The following PLEKHA6 variants were observed in gnomAD, a reference collection of about 807,000 sequenced individuals.
PLEKHA6 encodes pleckstrin homology domain-containing family A member 6.
PLEKHA6 carries 60 observed loss-of-function variants against 116.7 expected under a neutral mutation model. The ratio of observed to expected loss-of-function variants is 0.51; its 90% CI spans 0.42 to 0.64. The LOEUF (loss-of-function observed/expected upper bound fraction) is 0.64, where lower values mean the gene tolerates loss of function less well. Among genes scored for constraint, PLEKHA6 ranks in the 30% least tolerant of loss-of-function variants. The probability of loss-of-function intolerance (pLI) is 0.00; values close to 1 mark genes in which losing one functional copy is unlikely to be tolerated. For missense variants in PLEKHA6, 1,338 were observed against 1,422.7 expected (o/e 0.94, Z 0.96); for synonymous variants, 489 against 556.1 (o/e 0.88, Z 1.70).
At chr1:204,300,377 G>C (rs887603125) in intron 1 of PLEKHA6, among the ~76,000 whole-genome samples, 3 of 152,190 alleles carry the variant, frequency 2.0e-5, no homozygotes, top group African/African-American at 7.2e-5. Context: ...CACTGGCTCT[G>C]TATGGGGGTT....
At chr1:204,294,556 A>T (rs1453394396) in intron 1 of PLEKHA6, among the ~76,000 whole-genome samples, 1 of 152,202 alleles carries the variant, frequency 6.6e-6, no homozygotes, top group Non-Finnish European at 1.5e-5. Context: ...TTAGTTGTGC[A>T]ACTTGAAATT....
intron 1 of PLEKHA6, among the ~76,000 whole-genome samples, chr1:204,327,909 G>T (rs999254876): frequency 6.6e-6 from 1 of 152,202 alleles, no homozygotes; most frequent in African/African-American, 2.4e-5. Context: ...CATATCCTCT[G>T]ACTCACTGTG....
rs1293614629 is a variant in PLEKHA6, at chr1:204,249,593, G to A, written c.1594-329C>T. Among the ~76,000 whole-genome samples, 9 of 152,268 alleles carry A rather than the reference G, an allele frequency of 5.9e-5. No individual in the cohort carries two copies. The East Asian group carries it at 1.7e-3, about 29-fold the overall frequency. Reference sequence around the variant, plus strand: ...ATGATATGACCTCACCTCTTAGGCTGGACTGAAGAGGTGGGCCGGGTGTCA... The same window carrying A: ...ATGATATGACCTCACCTCTTAGGCTAGACTGAAGAGGTGGGCCGGGTGTCA... On this transcript the variant is annotated intron_variant, in intron 10 of 22. Transcript: ENST00000272203.
chr1:204,232,253 G>T (rs1377806150), intron 17 of PLEKHA6, among the ~76,000 whole-genome samples: 2 of 152,148 alleles, frequency 1.3e-5, no homozygotes, highest in Non-Finnish European at 2.9e-5. Flanking sequence ...GTACTTACAG[G>T]AAAATGATAC....
intron 17 of PLEKHA6, among the ~76,000 whole-genome samples, chr1:204,231,928 T>A (rs1053865751): frequency 6.6e-6 from 1 of 152,148 alleles, no homozygotes; most frequent in South Asian, 2.1e-4. Flanking sequence ...TTCCCCTGAA[T>A]ATTTGTGATC....
intron 7 of PLEKHA6, among the ~76,000 whole-genome samples, chr1:204,260,394 C>T (rs1056010406): frequency 6.6e-6 from 1 of 152,202 alleles, no homozygotes; most frequent in Admixed American, 6.5e-5. Flanking sequence ...ACTGACTTTC[C>T]ATGAGAATAC....
At chr1:204,290,092 A>G (rs1392618446) in intron 1 of PLEKHA6, among the ~76,000 whole-genome samples, 1 of 152,216 alleles carries the variant, frequency 6.6e-6, no homozygotes, top group Admixed American at 6.5e-5. Flanking sequence ...GAGACTCAAT[A>G]TTGTTAAATT....
intron 1 of PLEKHA6, among the ~76,000 whole-genome samples, chr1:204,335,942 T>C (rs914212147): frequency 1.3e-5 from 2 of 152,182 alleles, no homozygotes; most frequent in African/African-American, 2.4e-5. Context: ...AAGAGAAGCC[T>C]CTAAAGTGTT....
At chr1:204,248,099 G>C (rs1664009413) in intron 12 of PLEKHA6, among the ~76,000 whole-genome samples, 1 of 150,752 alleles carries the variant, frequency 6.6e-6, no homozygotes, top group South Asian at 2.1e-4. Context: ...TCTCCAAGCA[G>C]TCTGTGTCGG....
At chr1:204,328,762 A>G (rs1672343440) in intron 1 of PLEKHA6, among the ~76,000 whole-genome samples, 1 of 152,218 alleles carries the variant, frequency 6.6e-6, no homozygotes, top group Non-Finnish European at 1.5e-5. Context: ...TAGATACTAG[A>G]TTGCTATGAG....
rs374543209 is a variant in PLEKHA6, at chr1:204,257,732, C to T, written c.1145G>A (p.Arg382Gln). The T allele has an allele frequency of 1.1e-4, 183 of 1,613,154 alleles. No individual in the cohort carries two copies. Among genetic ancestry groups the T allele is most frequent in the South Asian group, 1.0e-3 (91 of 90,886 alleles). Residue 382 changes from arginine (R) to glutamine (Q), a missense_variant, in exon 9 of 23, where the codon CGG becomes CAG. Arg to Gln is a conservative substitution (Grantham distance 43). Around this residue, in one of 3 missense-constraint regions of PLEKHA6, gnomAD observed 1,136 missense variants for 1,163.6 expected, o/e 0.98. Coordinates refer to ENST00000272203, the MANE Select transcript of PLEKHA6 (RefSeq NM_014935.5). The surrounding 1 kb of genome is among the most constrained non-coding windows in gnomAD (Gnocchi z 6.5). ...ESICSMPAYDRISPPWALEDK... is the reference protein window; with the variant it reads ...ESICSMPAYDQISPPWALEDK... Reference sequence around the variant, plus strand: ...CTCCAGGGCCCAGGGCGGGCTGATCCGATCATAGGCCGGCATGGAACAGAT... The same window carrying T: ...CTCCAGGGCCCAGGGCGGGCTGATCTGATCATAGGCCGGCATGGAACAGAT...
intron 17 of PLEKHA6, among the ~76,000 whole-genome samples, chr1:204,232,351 G>T (rs535137908): frequency 3.9e-4 from 60 of 152,252 alleles, no homozygotes; most frequent in African/African-American, 1.4e-3. Context: ...AGTTCACAAA[G>T]GATGCTTAAG....
At chr1:204,262,280 C>T (rs1666225525) in intron 6 of PLEKHA6, among the ~76,000 whole-genome samples, 1 of 152,162 alleles carries the variant, frequency 6.6e-6, no homozygotes, top group Non-Finnish European at 1.5e-5. Flanking sequence ...GTCAGGGAAT[C>T]GCAGTGCTAA....
chr1:204,321,839 T>TCA (rs10626807), intron 1 of PLEKHA6, among the ~76,000 whole-genome samples: 111,636 of 152,014 alleles, frequency 0.73, 41,504 homozygotes, highest in Middle Eastern at 0.8. Flanking sequence ...AAGGGCAGAC[T>TCA]CAGTCGGCTG....
At chr1:204,369,216 C>T (rs1673725475) in intron 2 of PLEKHA6, 1 of 152,198 alleles carries the variant, frequency 6.6e-6, no homozygotes, top group South Asian at 2.1e-4. Context: ...ATTTAATCTG[C>T]ATAGCAACAT....
intron 1 of PLEKHA6, among the ~76,000 whole-genome samples, chr1:204,281,291 A>C (rs928806764): frequency 1.3e-5 from 2 of 152,128 alleles, no homozygotes; most frequent in Admixed American, 6.5e-5. Flanking sequence ...TTTGGGAGGC[A>C]GAGGCGGGCA....
intron 9 of PLEKHA6, among the ~76,000 whole-genome samples, chr1:204,254,994 A>G (rs1665085358): frequency 6.6e-6 from 1 of 152,196 alleles, no homozygotes; most frequent in African/African-American, 2.4e-5. Context: ...CTTGCAGCTC[A>G]TGGAACATTC....
intron 17 of PLEKHA6, among the ~76,000 whole-genome samples, chr1:204,240,423 G>A (rs1327283418): frequency 6.6e-6 from 1 of 152,146 alleles, no homozygotes; most frequent in African/African-American, 2.4e-5. Context: ...GCAGAAGCAG[G>A]GACTGTAATG....
chr1:204,331,746 G>A (rs1465882168), intron 1 of PLEKHA6, among the ~76,000 whole-genome samples: 1 of 152,194 alleles, frequency 6.6e-6, no homozygotes, highest in Non-Finnish European at 1.5e-5. Context: ...AGGAGTGAGG[G>A]AAGAAAGATG....
Sources: gnomAD v4.1 joint callset for allele counts (sites outside exome capture counted in the v4.1 genomes callset) on GRCh38, gnomAD v4.1.1 for gene constraint, gnomAD v4.1.1 regional missense constraint, Gnocchi (gnomAD v3.1) non-coding constraint, MANE v1.5 for transcripts, NCBI Gene and HGNC (gene_info 2026-07-23, HGNC 2026-07-21) for gene names.